ZFP82: variants seen among roughly 807,000 people sequenced by gnomAD.
The protein encoded by ZFP82 is ZFP82 zinc finger protein.
Under a neutral mutation model 54.0 loss-of-function variants are expected in ZFP82, and 30 were observed. The observed-to-expected ratio is 0.56, with a 90% confidence interval of 0.42 to 0.75. The LOEUF (loss-of-function observed/expected upper bound fraction) is 0.75, where lower values mean the gene tolerates loss of function less well. Among genes scored for constraint, ZFP82 ranks in the 30% least tolerant of loss-of-function variants. ZFP82 has a pLI of 0.00. For synonymous variants in ZFP82, 194 were observed against 209.5 expected (o/e 0.93, Z 0.64); for missense variants, 500 against 636.8 (o/e 0.79, Z 2.31).
rs373296227 is a variant in ZFP82, at chr19:36,390,329, G to GCCTTTTTTTTTTTTTTTTTT, written c.*2411_*2412insAAAAAAAAAAAAAAAAAAGG. 8 of 120,376 alleles carry GCCTTTTTTTTTTTTTTTTTT rather than the reference G, an allele frequency of 6.6e-5. 3 individuals are homozygous for GCCTTTTTTTTTTTTTTTTTT. The highest frequency in any genetic ancestry group is 3.7e-5 in the African/African-American group (1 of 27,110). The allele number at this position is 120,376 out of a possible 1,614,324, so 7.5% of individuals were successfully genotyped here. ...CTTTAAAGTGTAGGATTCCATTTTTGTCTTTTTTTTTTTTTTTTTTGACAT... is the reference window on the plus strand; with the variant it reads ...CTTTAAAGTGTAGGATTCCATTTTTGCCTTTTTTTTTTTTTTTTTTTCTTTTTTTTTTTTTTTTTTGACAT... On this transcript the variant is annotated 3_prime_UTR_variant, in exon 5 of 5. Coordinates refer to ENST00000392161, the MANE Select transcript of ZFP82 (RefSeq NM_133466.4).
downstream of ZFP82, among the ~76,000 whole-genome samples, chr19:36,387,250 G>A (rs1371679072): frequency 4.6e-5 from 7 of 152,164 alleles, no homozygotes; most frequent in Admixed American, 1.3e-4. Context: ...AGAAGAACAT[G>A]AATTTGGGAG....
chr19:36,394,367 A>G (rs187145216), intron 4 of ZFP82: 187 of 420,202 alleles, frequency 4.5e-4, no homozygotes, highest in African/African-American at 3.4e-3. Flanking sequence ...GAATCACCAC[A>G]TAGCTTGTTA....
At chr19:36,394,216 T>C (rs1245898620) in intron 4 of ZFP82, 106 bp from the exon 5 acceptor site, 2 of 1,022,976 alleles carry the variant, frequency 2.0e-6, no homozygotes, top group Non-Finnish European at 2.8e-6. Context: ...TAACCAAAAC[T>C]CTAAAATATT....
At chr19:36,412,095 A>AGAGTGT (rs140396966) in intron 1 of ZFP82, among the ~76,000 whole-genome samples, 48 of 151,046 alleles carry the variant, frequency 3.2e-4, no homozygotes, top group African/African-American at 8.2e-4. Flanking sequence ...AGAGAGAGAG[A>AGAGTGT]GTGTGCGTGT....
chr19:36,412,940 A>G (rs1252478980), intron 1 of ZFP82, among the ~76,000 whole-genome samples: 2 of 152,182 alleles, frequency 1.3e-5, no homozygotes, highest in Admixed American at 6.5e-5. Context: ...CAATGTAAGG[A>G]TATCAACCAT....
At position 36,409,768 on chromosome 19, in the gene ZFP82, G is replaced by C. The variant is rs767900953; in HGVS notation, c.9+13C>G. The C allele has an allele frequency of 8.7e-6, 14 of 1,613,452 alleles. No individual in the cohort carries two copies. The African/African-American group carries it at 1.9e-4, about 22-fold the overall frequency. ...TAACATGATAGTATTCCTAGGAGGA[G>C]AAAAAAACTTACAAGGGCCATGGTA... On this transcript the variant is annotated intron_variant, in intron 2 of 4. Coordinates refer to ENST00000392161, the MANE Select transcript of ZFP82 (RefSeq NM_133466.4).
chr19:36,396,487 A>T (rs2032295582), intron 4 of ZFP82, among the ~76,000 whole-genome samples: 1 of 152,116 alleles, frequency 6.6e-6, no homozygotes, highest in Non-Finnish European at 1.5e-5. Flanking sequence ...CTCTACTAAA[A>T]ATAGACACAC....
intron 1 of ZFP82, among the ~76,000 whole-genome samples, chr19:36,410,447 G>GTGTGTGTGTGTGTGTGTT (rs1228786569): frequency 4.6e-5 from 7 of 151,312 alleles, no homozygotes; most frequent in Middle Eastern, 3.4e-3. Flanking sequence ...GTGTGTGTGT[G>GTGTGTGTGTGTGTGTGTT]TGTATATGTG....
intron 4 of ZFP82, among the ~76,000 whole-genome samples, chr19:36,402,468 CAA>C (rs377338348): frequency 3.7e-4 from 21 of 57,438 alleles, no homozygotes; most frequent in South Asian, 8.3e-4. Context: ...GACTCCATCT[CAA>C]AAAAAAAAAA....
At position 36,393,925 on chromosome 19, in the gene ZFP82, T is replaced by C; in HGVS notation, c.415A>G (p.Ser139Gly). Residue 139 changes from serine to glycine, a missense_variant, in exon 5 of 5, where the codon AGT becomes GGT. Transcript: ENST00000392161. Reference sequence around the variant, plus strand: ...TTTTCAGATGGCATTTTCACACTACTGAAGTATCCTTCTTGAGGTCTCTCC... The same window carrying C: ...TTTTCAGATGGCATTTTCACACTACCGAAGTATCCTTCTTGAGGTCTCTCC... ...GQERPQEGYF[S>G]SVKMPSEKVS... is the part of the protein sequence containing the mutation. 6.2e-7 allele frequency: 1 copy of C among 1,614,220 alleles called. No individual in the cohort carries two copies. The highest frequency in any genetic ancestry group is 8.5e-7 in the Non-Finnish European group (1 of 1,180,038).
intron 1 of ZFP82, among the ~76,000 whole-genome samples, chr19:36,416,426 A>G (rs574395863): frequency 4.5e-4 from 68 of 152,176 alleles, no homozygotes; most frequent in Admixed American, 1.1e-3. Context: ...GGTCCCCTGA[A>G]AGCCTCAAAT....
At position 36,393,850 on chromosome 19, in the gene ZFP82, G is replaced by T. The variant is rs749551905; in HGVS notation, c.490C>A (p.His164Asn). The T allele has an allele frequency of 3.8e-5, 61 of 1,614,068 alleles. No homozygotes were observed. The highest frequency in any genetic ancestry group is 4.7e-5 in the Non-Finnish European group (56 of 1,180,046). Residue 164 changes from histidine (H) to asparagine (N), a missense_variant, in exon 5 of 5, where the codon CAT becomes AAT. Physicochemically the swap from His to Asn is moderately conservative, Grantham distance 68. Transcript: ENST00000392161. ...RTSVTPHQRL[H>N]FVDKPYECKE... is the part of the protein sequence containing the mutation. ...CATTCATAGGGTTTATCAACAAAAT[G>T]AAGTCTCTGATGTGGAGTAACAGAT... is the stretch of plus-strand genomic sequence containing the variant.
chr19:36,409,572 A>C (rs2145596635), intron 2 of ZFP82, among the ~76,000 whole-genome samples: 1 of 152,274 alleles, frequency 6.6e-6, no homozygotes, highest in African/African-American at 2.4e-5. Context: ...CATATAGGAG[A>C]TGCTGAATAA....
chr19:36,415,550 G>C (rs901768697), intron 1 of ZFP82, among the ~76,000 whole-genome samples: 1 of 152,028 alleles, frequency 6.6e-6, no homozygotes, highest in Non-Finnish European at 1.5e-5. Flanking sequence ...ACTGTGCCCA[G>C]CTAATTTTTC....
At chr19:36,402,558 T>C (rs1156929875) in intron 4 of ZFP82, among the ~76,000 whole-genome samples, 4 of 150,820 alleles carry the variant, frequency 2.7e-5, no homozygotes, top group African/African-American at 7.3e-5. Context: ...AGATAGAACA[T>C]TACAAACAGT....
chr19:36,393,281 T>C lies in ZFP82; in HGVS notation c.1059A>G (p.Leu353=), dbSNP rs747206460. 6.2e-7 allele frequency: 1 copy of C among 1,603,374 alleles called. No individual in the cohort carries two copies. The highest frequency in any genetic ancestry group is 8.5e-7 in the Non-Finnish European group (1 of 1,176,496). The change falls in exon 5 of 5, where the codon CTA becomes CTG. Residue 353 remains leucine, a synonymous_variant. Transcript: ENST00000392161. ...CGKAFRVRQQ[L]TLHQRIHTGE... ...CAGTATGAATTCTCTGATGGAGTGT[T>C]AGTTGTTGTCGCACTCTAAAGGCCT...
chr19:36,403,835 T>C (rs1045146721), intron 4 of ZFP82, among the ~76,000 whole-genome samples: 2 of 151,162 alleles, frequency 1.3e-5, no homozygotes, highest in African/African-American at 4.9e-5. Context: ...ATAATTCATA[T>C]GAAACTTTAG....
intron 1 of ZFP82, among the ~76,000 whole-genome samples, chr19:36,417,972 G>C (rs2032701675): frequency 6.6e-6 from 1 of 152,004 alleles, no homozygotes; most frequent in African/African-American, 2.4e-5. Flanking sequence ...GAGAGTAGTG[G>C]TGCTATCATA....
intron 4 of ZFP82, among the ~76,000 whole-genome samples, chr19:36,397,838 A>G (rs1411927157): frequency 6.6e-6 from 1 of 151,928 alleles, no homozygotes; most frequent in Non-Finnish European, 1.5e-5. Context: ...CACCCGCCTC[A>G]GCCTCCCAAA....
Sources: gnomAD v4.1 joint callset for allele counts (sites outside exome capture counted in the v4.1 genomes callset) on GRCh38, gnomAD v4.1.1 for gene constraint, MANE v1.5 for transcripts, NCBI Gene and HGNC (gene_info 2026-07-23, HGNC 2026-07-21) for gene names.